Variants in NCOR2 observed in about 807,000 individuals in gnomAD.
NCOR2 encodes nuclear receptor corepressor 2, also known as CTG repeat protein 26.
NCOR2 carries 81 observed loss-of-function variants against 262.9 expected under a neutral mutation model. That is an observed-to-expected ratio of 0.31 (90% confidence interval 0.26 to 0.37). The LOEUF (loss-of-function observed/expected upper bound fraction) is 0.37, where lower values mean the gene tolerates loss of function less well. Among genes scored for constraint, NCOR2 ranks in the 10% least tolerant of loss-of-function variants. NCOR2 has a pLI of 1.00. For missense variants in NCOR2, 3,385 were observed against 3,621.4 expected (o/e 0.93, Z 1.68); for synonymous variants, 1,659 against 1,559.3 (o/e 1.06, Z -1.51).
At position 124,383,601 on chromosome 12, in the gene NCOR2, C is replaced by T. The variant is rs1390498776; in HGVS notation, c.2019+2144G>A. The T allele has an allele frequency of 1.7e-5, 4 of 236,670 alleles. No individual in the cohort carries two copies. The East Asian group carries it at 4.4e-4, about 26-fold the overall frequency. The allele number at this position is 236,670 out of a possible 1,614,324, so 14.7% of individuals were successfully genotyped here. ...GGTAGATGGCATCCAGATAAAATAA[C>T]AATAACCACAGCAGTAAGAGTAACT... On this transcript the variant is annotated intron_variant, in intron 17 of 46. Transcript: ENST00000405201.
intron 10 of NCOR2, among the ~76,000 whole-genome samples, chr12:124,428,090 C>T (rs1244093): frequency 0.66 from 91,216 of 137,172 alleles, 33,960 homozygotes; most frequent in Non-Finnish European, 0.83. Flanking sequence ...TGTGTGTGTA[C>T]ATGCAACAAT....
chr12:124,374,610 TTCTCCATGGACCGATGAGCCC>T (rs1424364068), intron 18 of NCOR2, 147 bp from the exon 21 acceptor site: 1 of 780,350 alleles, frequency 1.3e-6, no homozygotes, highest in Non-Finnish European at 2.2e-6. Flanking sequence ...CCGACTGCCC[TTCTCCATGGACCGATGAGCCC>T]TCTCCCTCTG....
chr12:124,434,201 G>A (rs1030535424), intron 8 of NCOR2, among the ~76,000 whole-genome samples: 5 of 152,050 alleles, frequency 3.3e-5, no homozygotes, highest in African/African-American at 1.2e-4. Flanking sequence ...CTAAGGTGTG[G>A]GGGTCCCAGG....
At chr12:124,456,259 G>A (rs752274925) in intron 6 of NCOR2, among the ~76,000 whole-genome samples, 15 of 152,292 alleles carry the variant, frequency 9.8e-5, no homozygotes, top group African/African-American at 1.7e-4. Context: ...TCCCTCATCC[G>A]GCACACATGT....
intron 1 of NCOR2, among the ~76,000 whole-genome samples, chr12:124,487,737 C>G (rs557988945): frequency 6.6e-6 from 1 of 152,362 alleles, no homozygotes; most frequent in South Asian, 2.1e-4. Context: ...GTACGGTCTT[C>G]CTGCTTAACA....
upstream of NCOR2, among the ~76,000 whole-genome samples, chr12:124,496,021 T>C (rs550011298): frequency 3.9e-4 from 60 of 152,136 alleles, no homozygotes; most frequent in Non-Finnish European, 6.9e-4. This position sits in a 1 kb window ranked among gnomAD's most constrained non-coding sequence, Gnocchi z 4.4. Flanking sequence ...CCCTGCAGCC[T>C]AGGGATAGGT....
At chr12:124,385,720 C>T (rs1477584072) in intron 17 of NCOR2, 25 bp downstream of exon 19, 40 of 1,610,654 alleles carry the variant, frequency 2.5e-5, no homozygotes, top group Admixed American at 1.0e-4. Context: ...CCCAGAGGCG[C>T]GGTGCAGCGT....
chr12:124,336,797 T>G (rs1388370732), exon 38 of NCOR2: 14 of 1,613,362 alleles, frequency 8.7e-6, no homozygotes, highest in Non-Finnish European at 1.2e-5. Flanking sequence ...GGGTTTACTT[T>G]GAGTCTTTTC....
chr12:124,505,019 T>G (rs950612866), intron 1 of NCOR2, among the ~76,000 whole-genome samples: 1 of 152,202 alleles, frequency 6.6e-6, no homozygotes, highest in Admixed American at 6.5e-5. Context: ...ATAGCCAAAA[T>G]GGTATATTTT....
intron 4 of NCOR2, among the ~76,000 whole-genome samples, chr12:124,469,297 G>C (rs1347548582): frequency 6.6e-6 from 1 of 152,138 alleles, no homozygotes; most frequent in Non-Finnish European, 1.5e-5. Context: ...AGTGAACACA[G>C]GAAAAGCCAG....
chr12:124,325,388 C>CT (rs1555297214), exon 47 of NCOR2: 7 of 693,392 alleles, frequency 1.0e-5, no homozygotes, highest in Admixed American at 5.4e-5. Flanking sequence ...CCCCCCCCCC[C>CT]GCCCTGTTCT....
chr12:124,361,179 G>T (rs1194925469), intron 22 of NCOR2, among the ~76,000 whole-genome samples: 1 of 151,918 alleles, frequency 6.6e-6, no homozygotes, highest in Non-Finnish European at 1.5e-5. Context: ...AGCGGGGAGG[G>T]GACAGCTGAT....
chr12:124,564,754 T>C (rs2052179332), intron 1 of NCOR2, among the ~76,000 whole-genome samples: 1 of 151,588 alleles, frequency 6.6e-6, no homozygotes, highest in Non-Finnish European at 1.5e-5. Context: ...CAGATGGGGG[T>C]TGGGAACACA....
At chr12:124,418,899 C>T (rs186787675) in intron 13 of NCOR2, among the ~76,000 whole-genome samples, 8 of 152,256 alleles carry the variant, frequency 5.3e-5, no homozygotes, top group African/African-American at 1.9e-4. Context: ...TTTGCAAGGA[C>T]GCTCCACGCG....
chr12:124,374,422 T>C (rs746439656), exon 19 of NCOR2: 1 of 1,612,900 alleles, frequency 6.2e-7, no homozygotes, highest in Admixed American at 1.7e-5. Flanking sequence ...CCTGGGCCAC[T>C]GCATTCCCCT....
At chr12:124,426,638 C>T in exon 11 of NCOR2, 1 of 1,589,234 alleles carries the variant, frequency 6.3e-7, no homozygotes, top group Non-Finnish European at 8.6e-7. Context: ...CGGAAGGTCT[C>T]CTTCTCCTGC....
intron 22 of NCOR2, among the ~76,000 whole-genome samples, chr12:124,359,459 T>G (rs760481087): frequency 3.3e-5 from 5 of 152,186 alleles, no homozygotes; most frequent in Non-Finnish European, 5.9e-5. Flanking sequence ...GAAGACTGTT[T>G]CCCCTGGACT....
At chr12:124,426,881 A>G in intron 10 of NCOR2, 81 bp from the exon 13 acceptor site, 2 of 1,374,448 alleles carry the variant, frequency 1.5e-6, no homozygotes, top group South Asian at 1.5e-5. Context: ...GAAGACACAG[A>G]GGGGACGGAT....
chr12:124,343,057 G>C, exon 33 of NCOR2: 3 of 1,612,470 alleles, frequency 1.9e-6, no homozygotes, highest in Non-Finnish European at 2.5e-6. Context: ...AGGCCAGGGG[G>C]ATGTGGCTGC....
Sources: allele counts gnomAD v4.1 joint callset (sites outside exome capture counted in the v4.1 genomes callset), GRCh38; gene constraint gnomAD v4.1.1; non-coding constraint Gnocchi (gnomAD v3.1); transcripts MANE v1.5; gene names NCBI Gene and HGNC (gene_info 2026-07-23, HGNC 2026-07-21).